PUDP: variants seen among roughly 807,000 people sequenced by gnomAD.
The protein encoded by PUDP is pseudouridine 5'-phosphatase, also known as pseudouridine-5'-phosphatase.
In PUDP, 8 loss-of-function variants were observed where a neutral mutation model predicts 9.4. That is an observed-to-expected ratio of 0.85 (90% CI 0.50 to 1.53). PUDP has a LOEUF of 1.53. Ranked by LOEUF, PUDP falls within the 40% of genes most tolerant of loss-of-function variation. The probability of loss-of-function intolerance (pLI) is 0.00; values close to 1 mark genes in which losing one functional copy is unlikely to be tolerated. For missense variants in PUDP, 188 were observed against 189.7 expected, an observed-to-expected ratio of 0.99 and a Z score of 0.05; for synonymous variants, 99 against 80.7, an observed-to-expected ratio of 1.23 and a Z score of -1.22.
intron 3 of PUDP, among the ~76,000 whole-genome samples, chrX:6,787,860 T>C (rs764944861): frequency 6.2e-5 from 7 of 112,694 alleles, no homozygotes; most frequent in Non-Finnish European, 1.1e-4. Flanking sequence ...AAAATATACA[T>C]TCATGACTGC....
At chrX:7,008,703 A>G (rs199914030) in intron 1 of PUDP, among the ~76,000 whole-genome samples, 4 of 112,119 alleles carry the variant, frequency 3.6e-5, no homozygotes, top group African/African-American at 9.8e-5. Context: ...GAAATAAACC[A>G]AACCCATGCC....
chrX:6,802,977 TATAAAATAAA>T (rs1387386885), intron 3 of PUDP, among the ~76,000 whole-genome samples: 2 of 8,781 alleles, frequency 2.3e-4, no homozygotes, highest in Non-Finnish European at 3.2e-4. Context: ...AAAATAAAAA[TATAAAATAAA>T]ATAAAATAAA....
intron 1 of PUDP, among the ~76,000 whole-genome samples, chrX:7,004,320 T>A (rs1237956733): frequency 9.0e-6 from 1 of 111,673 alleles, no homozygotes; most frequent in Non-Finnish European, 1.9e-5. Flanking sequence ...TTTAGCTCAG[T>A]GTAGAGTGCA....
intron 3 of PUDP, among the ~76,000 whole-genome samples, chrX:6,872,987 A>G (rs1927198543): frequency 9.0e-6 from 1 of 111,574 alleles, no homozygotes; most frequent in Non-Finnish European, 1.9e-5. Flanking sequence ...TGTCTGAATC[A>G]AGGCAGACAC....
intron 1 of PUDP, among the ~76,000 whole-genome samples, chrX:6,996,735 C>T (rs181551325): frequency 5.6e-4 from 58 of 104,191 alleles, no homozygotes; most frequent in African/African-American, 1.8e-3. Context: ...GGGGTGATCT[C>T]GGCTCACTGC....
intron 1 of PUDP, among the ~76,000 whole-genome samples, chrX:7,038,186 A>G (rs1393321290): frequency 2.7e-5 from 3 of 112,395 alleles, no homozygotes. Flanking sequence ...TATCTGTGCT[A>G]TAGAGTACAT....
intron 3 of PUDP, among the ~76,000 whole-genome samples, chrX:6,750,536 T>G (rs1016038147): frequency 9.0e-6 from 1 of 111,457 alleles, no homozygotes; most frequent in African/African-American, 3.3e-5. Context: ...TGTATGTTGC[T>G]GACTGGCTAA....
intron 2 of PUDP, among the ~76,000 whole-genome samples, chrX:7,096,073 C>T (rs1258332666): frequency 8.9e-6 from 1 of 111,943 alleles, no homozygotes; most frequent in Non-Finnish European, 1.9e-5. Context: ...GTAAGTGCTC[C>T]CAGGCAGGAA....
intron 3 of PUDP, among the ~76,000 whole-genome samples, chrX:6,839,183 T>C (rs1804759272): frequency 8.9e-6 from 1 of 111,974 alleles, no homozygotes; most frequent in Non-Finnish European, 1.9e-5. Context: ...TTTCATTGCC[T>C]TCTTTTGAGG....
chrX:7,108,428 G>A (rs988516163), intron 1 of PUDP, among the ~76,000 whole-genome samples: 8 of 111,672 alleles, frequency 7.2e-5, no homozygotes, highest in African/African-American at 9.8e-5. Flanking sequence ...TGTGGACTGG[G>A]CTCTTCCTTG....
chrX:7,114,150 C>G (rs1932132714), intron 1 of PUDP, among the ~76,000 whole-genome samples: 1 of 111,652 alleles, frequency 9.0e-6, no homozygotes, highest in Non-Finnish European at 1.9e-5. Context: ...TCTCAGCTCA[C>G]TGAAACCTCT....
chrX:6,722,887 T>C (rs1924690048), upstream of PUDP, among the ~76,000 whole-genome samples: 1 of 112,160 alleles, frequency 8.9e-6, no homozygotes, highest in Non-Finnish European at 1.9e-5. Context: ...TTAGAATGGT[T>C]AAAAGAATTA....
At chrX:6,754,080 C>T (rs1216139269) in intron 3 of PUDP, among the ~76,000 whole-genome samples, 3 of 111,933 alleles carry the variant, frequency 2.7e-5, no homozygotes, top group African/African-American at 9.7e-5. Flanking sequence ...GTTTTTCCAA[C>T]ATTATATTCT....
At chrX:6,732,970 G>A (rs1483001627) in intron 3 of PUDP, among the ~76,000 whole-genome samples, 2 of 111,855 alleles carry the variant, frequency 1.8e-5, no homozygotes, top group Non-Finnish European at 1.9e-5. Context: ...AGGAGCAATG[G>A]TGCATTCAGG....
chrX:6,900,856 C>A (rs1158984100), intron 3 of PUDP, among the ~76,000 whole-genome samples: 1 of 109,238 alleles, frequency 9.2e-6, no homozygotes, highest in Non-Finnish European at 1.9e-5. Flanking sequence ...CAGCTCACTG[C>A]AACTTCTGTC....
chrX:7,128,802 T>C (rs1932546781), intron 1 of PUDP, among the ~76,000 whole-genome samples: 1 of 112,255 alleles, frequency 8.9e-6, no homozygotes, highest in South Asian at 3.7e-4. Flanking sequence ...TGTGTTTACA[T>C]TCTAGTGTAG....
rs746174008 is a variant in PUDP, at chrX:6,807,401, C to T, written c.*248-100935G>A. On this transcript the variant is annotated intron_variant and NMD_transcript_variant, in intron 3 of 3. Transcript: ENST00000655425. Reference sequence around the variant, plus strand: ...TCTCTTTCCCTGATAACCAAAGTACCGACCTAAATTAAATTGCTGACCGCA... The same window carrying T: ...TCTCTTTCCCTGATAACCAAAGTACTGACCTAAATTAAATTGCTGACCGCA... Among the ~76,000 whole-genome samples the T allele has an allele frequency of 6.3e-5, 7 of 111,972 alleles. No homozygotes were observed. The South Asian group carries it at 1.9e-3, about 30-fold the overall frequency.
chrX:7,147,289 G>A (rs1386407013), intron 1 of PUDP, among the ~76,000 whole-genome samples: 1 of 111,433 alleles, frequency 9.0e-6, no homozygotes, highest in Non-Finnish European at 1.9e-5. Context: ...GATGTCCCCG[G>A]TGCTGGTCAC....
intron 1 of PUDP, among the ~76,000 whole-genome samples, chrX:7,018,028 A>G (rs1269660764): frequency 1.8e-5 from 2 of 111,803 alleles, no homozygotes; most frequent in African/African-American, 6.5e-5. Context: ...CAGCGCCATG[A>G]CAGTTTACAA....
Sources: allele counts gnomAD v4.1 joint callset (sites outside exome capture counted in the v4.1 genomes callset), GRCh38; gene constraint gnomAD v4.1.1; transcripts MANE v1.5; gene names NCBI Gene and HGNC (gene_info 2026-07-23, HGNC 2026-07-21).